TENM4: variants seen among roughly 807,000 people sequenced by gnomAD.
The protein encoded by TENM4 is teneurin transmembrane protein 4.
A neutral mutation model predicts 243.3 loss-of-function variants in TENM4; 82 were observed. That is an observed-to-expected ratio of 0.34 (90% CI 0.28 to 0.40). The LOEUF (loss-of-function observed/expected upper bound fraction) is 0.40. Among genes scored for constraint, TENM4 ranks in the 10% least tolerant of loss-of-function variants. The pLI is 1.00. For missense variants in TENM4, 3,138 were observed against 3,673.3 expected (o/e 0.85, Z 3.77); for synonymous variants, 1,412 against 1,456.3 (o/e 0.97, Z 0.69).
chr11:79,420,985 A>G (rs1236568750), intron 1 of TENM4, among the ~76,000 whole-genome samples: 1 of 152,122 alleles, frequency 6.6e-6, no homozygotes. Flanking sequence ...AGGCTTCTAG[A>G]GTGCTTGTGT....
chr11:78,915,069 G>C (rs926198282), intron 6 of TENM4, among the ~76,000 whole-genome samples: 4 of 152,226 alleles, frequency 2.6e-5, no homozygotes, highest in Non-Finnish European at 5.9e-5. Flanking sequence ...CTCCAGGGTA[G>C]CACCCCATAG....
At chr11:78,884,391 C>G (rs550279674) in intron 9 of TENM4, among the ~76,000 whole-genome samples, 1 of 152,210 alleles carries the variant, frequency 6.6e-6, no homozygotes, top group African/African-American at 2.4e-5. Flanking sequence ...CCCAAGTTTA[C>G]ACCGTCAGCA....
intron 1 of TENM4, among the ~76,000 whole-genome samples, chr11:79,310,643 C>T (rs78763524): frequency 5.9e-5 from 9 of 152,254 alleles, no homozygotes; most frequent in Non-Finnish European, 1.3e-4. Flanking sequence ...TAGTTAACAA[C>T]GGGCAGCTTT....
intron 6 of TENM4, among the ~76,000 whole-genome samples, chr11:79,022,852 C>G (rs1188987283): frequency 1.3e-5 from 2 of 152,154 alleles, no homozygotes; most frequent in African/African-American, 4.8e-5. Context: ...CCACCATTTT[C>G]TGAGCACATA....
Position 78,669,317 on chromosome 11 carries a change from C to G in TENM4, c.7028G>C (p.Gly2343Ala). 1.2e-6 allele frequency: 2 copies of G among 1,613,890 alleles called. No homozygotes were observed. The highest frequency in any genetic ancestry group is 1.7e-6 in the Non-Finnish European group (2 of 1,179,824). ...EITSLYYDLQ[G>A]HLFAMELSSG... ...GCTCAGCTCCATGGCAAAGAGGTGT[C>G]CTTGCAAGTCGTAGTAGAGGGAGGT... Residue 2343 changes from glycine (G) to alanine (A), a missense_variant, in exon 32 of 34, where the codon GGA becomes GCA. This residue lies in a region of TENM4 where 2,467 missense variants were observed against 3,059.1 expected (regional missense o/e 0.81). Transcript: ENST00000278550. This position sits in a 1 kb window ranked among gnomAD's most constrained non-coding sequence, Gnocchi z 6.4.
intron 6 of TENM4, among the ~76,000 whole-genome samples, chr11:78,956,807 CATGAGT>C (rs1857215645): frequency 6.6e-6 from 1 of 152,176 alleles, no homozygotes; most frequent in African/African-American, 2.4e-5. Flanking sequence ...TTTAAAATCC[CATGAGT>C]ATAAGTATTC....
chr11:79,181,951 T>TAAAAA (rs71050213), intron 3 of TENM4, among the ~76,000 whole-genome samples: 1 of 147,190 alleles, frequency 6.8e-6, no homozygotes, highest in Non-Finnish European at 1.5e-5. Context: ...ATCAAAGAAC[T>TAAAAA]AAAAAAAAAA....
At chr11:78,751,021 A>G (rs1020116644) in intron 19 of TENM4, among the ~76,000 whole-genome samples, 3 of 152,174 alleles carry the variant, frequency 2.0e-5, no homozygotes, top group African/African-American at 7.2e-5. Context: ...CATGGACCAC[A>G]GGCGTGCACC....
intron 4 of TENM4, among the ~76,000 whole-genome samples, chr11:79,144,564 A>T (rs77197572): frequency 6.6e-6 from 1 of 152,060 alleles, no homozygotes; most frequent in South Asian, 2.1e-4. Flanking sequence ...TAAAGAAAAT[A>T]TGGAACATAT....
At chr11:79,246,231 A>G (rs1855513268) in intron 2 of TENM4, among the ~76,000 whole-genome samples, 1 of 152,220 alleles carries the variant, frequency 6.6e-6, no homozygotes, top group Non-Finnish European at 1.5e-5. Flanking sequence ...ATTTCACTCC[A>G]TCTTTATAAA....
intron 19 of TENM4, 101 bp downstream of exon 19, chr11:78,756,704 G>A: frequency 2.6e-6 from 3 of 1,148,394 alleles, no homozygotes; most frequent in East Asian, 2.6e-5. Flanking sequence ...ATGCTCTCAC[G>A]TTCCTGGCTT....
intron 2 of TENM4, among the ~76,000 whole-genome samples, chr11:79,228,454 T>G (rs1459124008): frequency 2.6e-5 from 4 of 152,162 alleles, no homozygotes; most frequent in Non-Finnish European, 5.9e-5. Context: ...GAAACCTCTC[T>G]TGGTTCCAGG....
At position 78,889,828 on chromosome 11, in the gene TENM4, G is replaced by A. The variant is rs1396593407; in HGVS notation, c.1041C>T (p.Ile347=). The A allele has an allele frequency of 5.2e-6, 8 of 1,551,774 alleles. No individual in the cohort carries two copies. The highest frequency in any genetic ancestry group is 3.9e-5 in the Admixed American group (2 of 50,990). Residue 347 remains isoleucine (I), a synonymous_variant, in exon 9 of 34, where the codon ATC becomes ATT. Transcript: ENST00000278550. ...CNWKCAALSA[I]VISATLVILL... is the part of the protein sequence containing the mutation. ...GGATGACCAGAGTGGCTGAGATGAC[G>A]ATGGCGCTCAGGGCTGCGCACTTCC... is the stretch of plus-strand genomic sequence containing the variant.
chr11:79,284,695 T>C (rs1480763367), intron 2 of TENM4, among the ~76,000 whole-genome samples: 1 of 152,144 alleles, frequency 6.6e-6, no homozygotes, highest in African/African-American at 2.4e-5. Context: ...AAAATGTAGA[T>C]ACATTGGACT....
chr11:78,970,016 T>G (rs1857508654), intron 6 of TENM4, among the ~76,000 whole-genome samples: 1 of 152,248 alleles, frequency 6.6e-6, no homozygotes, highest in Non-Finnish European at 1.5e-5. Flanking sequence ...TCTTCTCATG[T>G]GCTAGCCATA....
At chr11:78,825,604 T>G (rs1009493702) in intron 12 of TENM4, among the ~76,000 whole-genome samples, 3 of 152,178 alleles carry the variant, frequency 2.0e-5, no homozygotes, top group African/African-American at 7.2e-5. Flanking sequence ...AGATCTAAAC[T>G]ACCCAAGAAT....
Position 79,033,477 on chromosome 11 carries a change from C to T in TENM4, c.493+31261G>A, listed in dbSNP as rs867345362. Among the ~76,000 whole-genome samples, 11 of 152,220 alleles carry T rather than the reference C, an allele frequency of 7.2e-5. No individual in the cohort carries two copies. The East Asian group carries it at 7.7e-4, about 11-fold the overall frequency. ...CACAGGGTTAGTCCTCCCAACAATG[C>T]GGTGAACAAAGTATTATGGTCCCTG... On this transcript the variant is annotated intron_variant, in intron 6 of 33. Transcript: ENST00000278550.
chr11:78,874,194 T>C (rs1859206182), intron 9 of TENM4, among the ~76,000 whole-genome samples: 1 of 152,156 alleles, frequency 6.6e-6, no homozygotes, highest in Non-Finnish European at 1.5e-5. Context: ...CCTTACCAGC[T>C]GTGCATCAAC....
intron 2 of TENM4, among the ~76,000 whole-genome samples, chr11:79,253,240 T>A (rs1462599729): frequency 6.6e-6 from 1 of 152,150 alleles, no homozygotes; most frequent in Non-Finnish European, 1.5e-5. Flanking sequence ...AAACATAAAC[T>A]GCACTCACTC....
Sources: allele counts gnomAD v4.1 joint callset (sites outside exome capture counted in the v4.1 genomes callset), GRCh38; gene constraint gnomAD v4.1.1; regional missense constraint gnomAD v4.1.1; non-coding constraint Gnocchi (gnomAD v3.1); transcripts MANE v1.5; gene names NCBI Gene and HGNC (gene_info 2026-07-23, HGNC 2026-07-21).